DCAF6: variants seen among roughly 807,000 people sequenced by gnomAD.
DCAF6 encodes the protein DDB1 and CUL4 associated factor 6.
Under a neutral mutation model 125.1 loss-of-function variants are expected in DCAF6, and 54 were observed. The observed-to-expected ratio is 0.43, with a 90% CI of 0.35 to 0.54. DCAF6 has a LOEUF of 0.54. Ranked by LOEUF, DCAF6 falls within the 20% of genes least tolerant of loss-of-function variation. The pLI is 0.01. For missense variants in DCAF6, 934 were observed against 1,161.7 expected, an observed-to-expected ratio of 0.80 and a Z score of 2.85; for synonymous variants, 371 against 390.4, an observed-to-expected ratio of 0.95 and a Z score of 0.58.
In DCAF6 at chr1:168,037,106, T is replaced by C. The variant is rs998820278; in HGVS notation, c.1610-1265T>C. Among the ~76,000 whole-genome samples the C allele has an allele frequency of 6.3e-3, 747 of 119,428 alleles. 9 individuals are homozygous for C. The highest frequency in any genetic ancestry group is 0.022 in the African/African-American group (692 of 30,948). The allele number at this position is 119,428 out of a possible 152,430, so 78.3% of individuals were successfully genotyped here. On this transcript the variant is annotated intron_variant, in intron 12 of 21. Transcript: ENST00000367840. ...GGTTCTATGAGATTCTCCCCCCCCT[T>C]TTTTTTTTTTTTTTTGAGATGAGGT...
At chr1:167,953,587 A>T (rs1345513549) in intron 2 of DCAF6, among the ~76,000 whole-genome samples, 1 of 152,186 alleles carries the variant, frequency 6.6e-6, no homozygotes, top group Non-Finnish European at 1.5e-5. Flanking sequence ...AGAGTATATT[A>T]TGTGTTAGAT....
At chr1:168,031,988 G>A in intron 12 of DCAF6, among the ~76,000 whole-genome samples, 1 of 151,588 alleles carries the variant, frequency 6.6e-6, no homozygotes, top group East Asian at 1.9e-4. Context: ...GTGGAACCAA[G>A]CACAGTTTCA....
chr1:167,883,393 A>G, the DCAF6 span: 1 of 1,601,376 alleles, frequency 6.2e-7, no homozygotes, highest in Non-Finnish European at 8.6e-7. Flanking sequence ...ATGAATGCTA[A>G]CCTAAAACTA....
chr1:167,866,328 C>A, the DCAF6 span, among the ~76,000 whole-genome samples: 1 of 152,036 alleles, frequency 6.6e-6, no homozygotes, highest in African/African-American at 2.4e-5. Context: ...ACGAGGAATA[C>A]CAGATCAATT....
At chr1:167,985,844 T>G (rs991592671) in intron 4 of DCAF6, among the ~76,000 whole-genome samples, 2 of 152,328 alleles carry the variant, frequency 1.3e-5, no homozygotes, top group African/African-American at 4.8e-5. Flanking sequence ...GTACTCAGCA[T>G]CTAGAACAAG....
intron 12 of DCAF6, among the ~76,000 whole-genome samples, chr1:168,027,081 C>A (rs188867293): frequency 6.6e-6 from 1 of 152,092 alleles, no homozygotes; most frequent in Non-Finnish European, 1.5e-5. Context: ...ATGATACCAA[C>A]TCCCAGAAAG....
At chr1:167,889,871 A>G in the DCAF6 span, among the ~76,000 whole-genome samples, 1 of 152,146 alleles carries the variant, frequency 6.6e-6, no homozygotes, top group Admixed American at 6.5e-5. Context: ...CTGTATTATC[A>G]GTTGTAATGT....
the DCAF6 span, among the ~76,000 whole-genome samples, chr1:167,886,300 C>T: frequency 6.6e-6 from 1 of 152,160 alleles, no homozygotes; most frequent in Non-Finnish European, 1.5e-5. Context: ...TCAAACTATA[C>T]TACAAGGCTA....
At chr1:167,984,452 A>T (rs796339014) in intron 4 of DCAF6, among the ~76,000 whole-genome samples, 1 of 152,226 alleles carries the variant, frequency 6.6e-6, no homozygotes, top group Non-Finnish European at 1.5e-5. Flanking sequence ...CAAATTCAGT[A>T]TTCTAGTTTT....
chr1:168,072,634 C>G (rs973151970), intron 21 of DCAF6, among the ~76,000 whole-genome samples: 1 of 152,106 alleles, frequency 6.6e-6, no homozygotes, highest in Admixed American at 6.5e-5. Context: ...AGTTGCTTAA[C>G]AAATACTGAG....
the DCAF6 span, among the ~76,000 whole-genome samples, chr1:167,873,765 A>C: frequency 6.6e-6 from 1 of 152,240 alleles, no homozygotes; most frequent in African/African-American, 2.4e-5. Context: ...TGCTAGAAAA[A>C]TATCTCCATG....
At chr1:168,012,204 G>C (rs1684395423) in intron 10 of DCAF6, among the ~76,000 whole-genome samples, 1 of 152,190 alleles carries the variant, frequency 6.6e-6, no homozygotes. Context: ...AAATGATCCA[G>C]AGTCCAGGAC....
chr1:167,960,223 G>A (rs1250715927), intron 2 of DCAF6, among the ~76,000 whole-genome samples: 1 of 151,928 alleles, frequency 6.6e-6, no homozygotes, highest in Non-Finnish European at 1.5e-5. Context: ...TTAGTTATCT[G>A]TTTGTCTGCT....
chr1:167,932,843 GAA>G (rs1670949284), upstream of DCAF6, among the ~76,000 whole-genome samples: 1 of 145,508 alleles, frequency 6.9e-6, no homozygotes, highest in African/African-American at 2.5e-5. Flanking sequence ...GAAAAGAAAA[GAA>G]AAAATAACAC....
chr1:167,900,636 A>G, the DCAF6 span, among the ~76,000 whole-genome samples: 3 of 152,082 alleles, frequency 2.0e-5, no homozygotes, highest in South Asian at 6.2e-4. Context: ...GGGTTCAAGC[A>G]ATTCTCCTGC....
At chr1:167,941,225 A>G (rs1246522982) in intron 1 of DCAF6, among the ~76,000 whole-genome samples, 2 of 152,170 alleles carry the variant, frequency 1.3e-5, no homozygotes, top group Non-Finnish European at 2.9e-5. Context: ...GTATTGAAAA[A>G]TGACGGTCAA....
At chr1:167,996,590 C>A (rs2103037416) in intron 7 of DCAF6, among the ~76,000 whole-genome samples, 1 of 152,344 alleles carries the variant, frequency 6.6e-6, no homozygotes, top group South Asian at 2.1e-4. Flanking sequence ...TAAGTTAAAT[C>A]ATGCCGCTCT....
intron 7 of DCAF6, among the ~76,000 whole-genome samples, chr1:167,995,865 C>T (rs1231042267): frequency 2.0e-5 from 3 of 152,116 alleles, no homozygotes; most frequent in Admixed American, 2.0e-4. Flanking sequence ...TACACCAAGT[C>T]CTCTACTTAA....
Position 167,993,358 on chromosome 1 carries a change from C to T in DCAF6, c.821C>T (p.Ser274Leu), listed in dbSNP as rs773326971. 1 of 1,613,828 alleles carries T rather than the reference C, an allele frequency of 6.2e-7. No individual in the cohort carries two copies. Reference sequence around the variant, plus strand: ...CAAGAGATTCTCGTTAGTTACTCTTCAGATTACATATATCTTTTTGACCCG... The same window carrying T: ...CAAGAGATTCTCGTTAGTTACTCTTTAGATTACATATATCTTTTTGACCCG... ...DGQEILVSYS[S>L]DYIYLFDPKD... Residue 274 changes from serine to leucine, a missense_variant, in exon 7 of 22, where the codon TCA becomes TTA. Ser to Leu is a moderately radical substitution (Grantham distance 145, BLOSUM62 -2). Around this residue, in one of 5 missense-constraint regions of DCAF6, gnomAD observed 309 missense variants for 381.2 expected, o/e 0.81. Coordinates refer to ENST00000367840, the MANE Select transcript of DCAF6 (RefSeq NM_001198956.2).
Sources: gnomAD v4.1 joint callset for allele counts (sites outside exome capture counted in the v4.1 genomes callset) on GRCh38, gnomAD v4.1.1 for gene constraint, gnomAD v4.1.1 regional missense constraint, MANE v1.5 for transcripts, NCBI Gene and HGNC (gene_info 2026-07-23, HGNC 2026-07-21) for gene names.